The following DSE variants were observed in gnomAD, a reference collection of about 807,000 sequenced individuals.
DSE encodes dermatan sulfate epimerase, also known as dermatan-sulfate epimerase.
A neutral mutation model predicts 84.4 loss-of-function variants in DSE; 36 were observed. The ratio of observed to expected loss-of-function variants is 0.43; its 90% CI spans 0.33 to 0.56. DSE has a LOEUF of 0.56. Among genes scored for constraint, DSE ranks in the 20% least tolerant of loss-of-function variants. The probability of loss-of-function intolerance (pLI) is 0.06; values close to 1 mark genes in which losing one functional copy is unlikely to be tolerated. For missense variants in DSE, 862 were observed against 1,169.6 expected (o/e 0.74, Z 3.84); for synonymous variants, 410 against 430.1 (o/e 0.95, Z 0.58).
intron 2 of DSE, among the ~76,000 whole-genome samples, chr6:116,282,090 AT>A (rs1437421000): frequency 1.3e-5 from 2 of 152,242 alleles, no homozygotes; most frequent in Non-Finnish European, 2.9e-5. Flanking sequence ...CCAGCACTGT[AT>A]TTCCAATTCT....
At chr6:116,361,478 TTTG>T (rs1192426531) in intron 2 of DSE, among the ~76,000 whole-genome samples, 1 of 152,164 alleles carries the variant, frequency 6.6e-6, no homozygotes, top group African/African-American at 2.4e-5. Flanking sequence ...GGACTCACAA[TTTG>T]TAAGATTCTT....
At chr6:116,312,299 A>G (rs1775737261) in intron 2 of DSE, among the ~76,000 whole-genome samples, 1 of 152,264 alleles carries the variant, frequency 6.6e-6, no homozygotes, top group Non-Finnish European at 1.5e-5. Context: ...TTTGAAAAAT[A>G]TCAGTGAGAT....
intron 2 of DSE, among the ~76,000 whole-genome samples, chr6:116,283,208 T>C (rs1232632672): frequency 6.6e-6 from 1 of 152,206 alleles, no homozygotes; most frequent in East Asian, 1.9e-4. Flanking sequence ...GAGGAAACAG[T>C]AACACTGAGA....
At chr6:116,366,000 G>A (rs976874226), upstream of DSE, 2 of 152,198 alleles carry the variant, frequency 1.3e-5, no homozygotes, top group Admixed American at 6.5e-5. Flanking sequence ...ATTCCAAAGG[G>A]TGTATCTCTC....
At chr6:116,258,558 G>T (rs1772248629) in exon 2 of DSE, 2 of 1,520,278 alleles carry the variant, frequency 1.3e-6, no homozygotes, top group Admixed American at 1.7e-5. Context: ...TGGCATAGGA[G>T]TTGGAGGAGC....
intron 2 of DSE, among the ~76,000 whole-genome samples, chr6:116,304,281 C>G (rs1387538513): frequency 6.6e-6 from 1 of 152,182 alleles, no homozygotes; most frequent in Non-Finnish European, 1.5e-5. Context: ...TTAAAGGAAT[C>G]AGTCTAGGTT....
chr6:116,328,873 T>G (rs573005951), intron 2 of DSE, among the ~76,000 whole-genome samples: 1,923 of 152,218 alleles, frequency 0.013, 46 homozygotes, highest in African/African-American at 0.044. Context: ...GGAGAGTAGT[T>G]CACCCCTAGT....
At chr6:116,278,343 C>G in intron 2 of DSE, 1 of 748,592 alleles carries the variant, frequency 1.3e-6, no homozygotes, top group South Asian at 1.8e-5. Flanking sequence ...AGAAGCATAC[C>G]CACCACCGTC....
At position 116,435,945 on chromosome 6, in the gene DSE, A is replaced by T. The variant is rs1784124660; in HGVS notation, c.1477A>T (p.Ser493Cys). ...GATGTTTTCCCCAGCTGTGTCAAAG[A>T]GCTGCTTTTCTCCCTGGGTGGGTCA... ...VLMFSPAVSK[S>C]CFSPWVGQVT... is the part of the protein sequence containing the mutation. The change falls in exon 6 of 6, where the codon AGC becomes TGC. Residue 493 changes from serine (S) to cysteine (C), a missense_variant. By Grantham distance (112) the Ser-to-Cys change is moderately radical (BLOSUM62 -1). This residue lies in a region of DSE where 186 missense variants were observed against 255.1 expected (regional missense o/e 0.73). Coordinates refer to ENST00000644252, the MANE Select transcript of DSE (RefSeq NM_013352.4). 1.2e-5 allele frequency: 20 copies of T among 1,614,132 alleles called. No homozygotes were observed. The highest frequency in any genetic ancestry group is 1.7e-5 in the Non-Finnish European group (20 of 1,180,012).
upstream of DSE, among the ~76,000 whole-genome samples, chr6:116,365,537 GCCA>G (rs1209675014): frequency 1.2e-4 from 18 of 152,370 alleles, no homozygotes; most frequent in African/African-American, 4.3e-4. Context: ...ACAGCCGTGA[GCCA>G]CCGCACGTGG....
chr6:116,370,652 CAA>C, upstream of DSE, among the ~76,000 whole-genome samples: 1 of 152,210 alleles, frequency 6.6e-6, no homozygotes, highest in East Asian at 1.9e-4. Flanking sequence ...AAGTTAGAGC[CAA>C]AGAGGCCTGG....
At chr6:116,434,994 A>G (rs1784059834) in intron 5 of DSE, among the ~76,000 whole-genome samples, 1 of 152,214 alleles carries the variant, frequency 6.6e-6, no homozygotes, top group South Asian at 2.1e-4. Flanking sequence ...AAATCCCTCA[A>G]TATAAGACAG....
In DSE at chr6:116,442,776, A is replaced by T. The variant is rs1784467738; in HGVS notation, c.*5431A>T. ...CCTCAGCATAACTGAGGGCTACAAC[A>T]TAACACCCATCACTCAACAAGCATG... On this transcript the variant is annotated 3_prime_UTR_variant, in exon 6 of 6. Transcript: ENST00000644252. 2 of 152,224 alleles carry T rather than the reference A, an allele frequency of 1.3e-5. No homozygotes were observed. Among genetic ancestry groups the T allele is most frequent in the African/African-American group, 4.8e-5 (2 of 41,458 alleles). 9.4% of individuals were successfully genotyped at this position (152,224 alleles called of 1,614,324 possible).
chr6:116,278,174 C>G (rs1012689365), intron 2 of DSE: 3 of 315,720 alleles, frequency 9.5e-6, no homozygotes, highest in African/African-American at 6.4e-5. Flanking sequence ...ATCCAAGTGA[C>G]AGCAACCAGT....
At chr6:116,357,047 C>G (rs1409176525) in intron 2 of DSE, among the ~76,000 whole-genome samples, 1 of 152,062 alleles carries the variant, frequency 6.6e-6, no homozygotes, top group Non-Finnish European at 1.5e-5. Context: ...AAATATGGTT[C>G]CAAAAAACAA....
chr6:116,408,844 C>T (rs1485816300), intron 2 of DSE, among the ~76,000 whole-genome samples: 2 of 152,252 alleles, frequency 1.3e-5, no homozygotes, highest in Non-Finnish European at 2.9e-5. Context: ...TCCATGTGTG[C>T]TCCTTATCAG....
At chr6:116,417,785 AGTTTT>A (rs979919625) in intron 2 of DSE, among the ~76,000 whole-genome samples, 2 of 152,310 alleles carry the variant, frequency 1.3e-5, no homozygotes, top group Non-Finnish European at 2.9e-5. Context: ...AAGGGCAAGT[AGTTTT>A]GTTCCCAAAG....
At position 116,441,146 on chromosome 6, in the gene DSE, A is replaced by G; in HGVS notation, c.*3801A>G. ...TTTCAAGAAATGACTGATATAAATC[A>G]TGTGTTCCACTACATAGTCTAAATA... On this transcript the variant is annotated 3_prime_UTR_variant, in exon 6 of 6. Coordinates refer to ENST00000644252, the MANE Select transcript of DSE (RefSeq NM_013352.4). 1 of 152,208 alleles carries G rather than the reference A, an allele frequency of 6.6e-6. No individual in the cohort carries two copies. The highest frequency in any genetic ancestry group is 2.1e-4 in the South Asian group (1 of 4,832). The allele number at this position is 152,208 out of a possible 1,614,324, so 9.4% of individuals were successfully genotyped here.
At chr6:116,319,408 T>C (rs945266118) in intron 2 of DSE, among the ~76,000 whole-genome samples, 1 of 152,212 alleles carries the variant, frequency 6.6e-6, no homozygotes, top group Non-Finnish European at 1.5e-5. Flanking sequence ...GCTATTCAAG[T>C]TTACCAATTA....
Sources: allele counts gnomAD v4.1 joint callset (sites outside exome capture counted in the v4.1 genomes callset), GRCh38; gene constraint gnomAD v4.1.1; regional missense constraint gnomAD v4.1.1; transcripts MANE v1.5; gene names NCBI Gene and HGNC (gene_info 2026-07-23, HGNC 2026-07-21).